The following ADAMTSL1 variants were observed in gnomAD, a reference collection of about 807,000 sequenced individuals.
The protein encoded by ADAMTSL1 is ADAMTS like 1.
A neutral mutation model predicts 201.8 loss-of-function variants in ADAMTSL1; 126 were observed. That is an observed-to-expected ratio of 0.62 (90% CI 0.54 to 0.72). ADAMTSL1 has a LOEUF of 0.72. ADAMTSL1 is among the 30% of genes least tolerant of loss of function. ADAMTSL1 has a pLI of 0.00. For missense variants in ADAMTSL1, 2,679 were observed against 2,277.8 expected (o/e 1.18, Z -3.59); for synonymous variants, 1,121 against 903.4 (o/e 1.24, Z -4.32).
intron 2 of ADAMTSL1, among the ~76,000 whole-genome samples, chr9:18,176,194 T>C (rs1431224249): frequency 1.3e-5 from 2 of 152,058 alleles, no homozygotes; most frequent in African/African-American, 4.8e-5. Context: ...ACTTTACTTA[T>C]CATTTTATAC....
In ADAMTSL1 at chr9:17,944,001, C is replaced by G. The variant is rs560182736; in HGVS notation, c.87+37079C>G. On this transcript the variant is annotated intron_variant, in intron 1 of 29. Coordinates refer to the ADAMTSL1 transcript ENST00000680146. ...AATAATCAGATCTTGTGAGAATTCACTATCACAAAGACAGCACCAAGCCAT... is the reference window on the plus strand; with the variant it reads ...AATAATCAGATCTTGTGAGAATTCAGTATCACAAAGACAGCACCAAGCCAT... Among the ~76,000 whole-genome samples the G allele has an allele frequency of 3.3e-5, 5 of 151,922 alleles. No homozygotes were observed. In the East Asian group the frequency reaches 7.8e-4, roughly 24 times the overall value.
At chr9:18,075,738 A>G (rs1056707107) in intron 1 of ADAMTSL1, among the ~76,000 whole-genome samples, 1 of 152,196 alleles carries the variant, frequency 6.6e-6, no homozygotes, top group Non-Finnish European at 1.5e-5. Context: ...GGGCTGTGTA[A>G]CCCCAGAAGG....
intron 1 of ADAMTSL1, among the ~76,000 whole-genome samples, chr9:18,041,969 TG>T (rs1363128058): frequency 6.6e-6 from 1 of 152,084 alleles, no homozygotes; most frequent in Admixed American, 6.6e-5. Context: ...ATTTTAAAAT[TG>T]GTTACTTTAA....
At chr9:18,626,276 C>T (rs2132701038) in intron 5 of ADAMTSL1, among the ~76,000 whole-genome samples, 1 of 152,222 alleles carries the variant, frequency 6.6e-6, no homozygotes, top group South Asian at 2.1e-4. Flanking sequence ...AGCAGGAGAA[C>T]AGGAAATGGG....
chr9:18,175,766 A>G (rs1439250526), intron 2 of ADAMTSL1, among the ~76,000 whole-genome samples: 2 of 151,980 alleles, frequency 1.3e-5, no homozygotes, highest in African/African-American at 2.4e-5. Context: ...CCAAAGTCCT[A>G]TGGGTCTCAC....
intron 1 of ADAMTSL1, among the ~76,000 whole-genome samples, chr9:18,160,336 C>T (rs1827327794): frequency 1.3e-5 from 2 of 151,988 alleles, no homozygotes; most frequent in Admixed American, 1.3e-4. Flanking sequence ...GTGTTCCTTA[C>T]CCTATTCCTG....
intron 2 of ADAMTSL1, among the ~76,000 whole-genome samples, chr9:18,529,717 A>G (rs993218232): frequency 1.3e-5 from 2 of 152,178 alleles, no homozygotes; most frequent in African/African-American, 4.8e-5. Context: ...ATGTCTTTCA[A>G]TAATGATCAC....
rs928613185 is a variant in ADAMTSL1, at chr9:18,225,966, G to A, written c.207+61985G>A. Reference sequence around the variant, plus strand: ...TGTAATTATTTGCCAAGCCTGGTAGGTGGGTGCTGGTTTCATAGTAAAATT... The same window carrying A: ...TGTAATTATTTGCCAAGCCTGGTAGATGGGTGCTGGTTTCATAGTAAAATT... On this transcript the variant is annotated intron_variant, in intron 2 of 29. Coordinates refer to the ADAMTSL1 transcript ENST00000680146. Among the ~76,000 whole-genome samples the A allele has an allele frequency of 2.6e-5, 4 of 152,128 alleles. No individual in the cohort carries two copies. In the East Asian group the frequency reaches 5.8e-4, roughly 22 times the overall value.
chr9:17,933,558 C>A (rs928112981), intron 1 of ADAMTSL1, among the ~76,000 whole-genome samples: 1 of 152,068 alleles, frequency 6.6e-6, no homozygotes, highest in African/African-American at 2.4e-5. Flanking sequence ...TAAAGAAATG[C>A]CCAAGACTGA....
intron 2 of ADAMTSL1, among the ~76,000 whole-genome samples, chr9:18,185,718 C>A (rs963465308): frequency 1.3e-5 from 2 of 151,942 alleles, no homozygotes; most frequent in Non-Finnish European, 2.9e-5. Flanking sequence ...AAATGAATAG[C>A]TTTATACATC....
At chr9:18,305,089 G>T (rs983716745) in intron 2 of ADAMTSL1, among the ~76,000 whole-genome samples, 1 of 152,120 alleles carries the variant, frequency 6.6e-6, no homozygotes, top group East Asian at 1.9e-4. Flanking sequence ...TTGCCTCACC[G>T]GGAAAGTACA....
At chr9:18,783,575 G>C (rs1034529203) in intron 19 of ADAMTSL1, among the ~76,000 whole-genome samples, 1 of 152,152 alleles carries the variant, frequency 6.6e-6, no homozygotes, top group Non-Finnish European at 1.5e-5. Context: ...GCAAATTACA[G>C]CCAGTGGCTT....
chr9:17,982,617 AAAAT>A (rs150282047), intron 1 of ADAMTSL1, among the ~76,000 whole-genome samples: 2 of 151,944 alleles, frequency 1.3e-5, no homozygotes, highest in Non-Finnish European at 2.9e-5. Flanking sequence ...GTCTCAGGGA[AAAAT>A]AAATAAATAA....
At chr9:18,531,603 A>G (rs999031644) in intron 2 of ADAMTSL1, among the ~76,000 whole-genome samples, 1 of 152,188 alleles carries the variant, frequency 6.6e-6, no homozygotes, top group Non-Finnish European at 1.5e-5. Flanking sequence ...TAGTCTGTGT[A>G]TAATTGTGTT....
chr9:18,794,764 G>T (rs1263386959), intron 19 of ADAMTSL1, among the ~76,000 whole-genome samples: 2 of 151,996 alleles, frequency 1.3e-5, no homozygotes, highest in Non-Finnish European at 2.9e-5. Context: ...CTCCCAAGTA[G>T]CTGGGATTAT....
intron 16 of ADAMTSL1, among the ~76,000 whole-genome samples, chr9:18,762,235 T>A (rs569155946): frequency 3.3e-5 from 5 of 152,082 alleles, no homozygotes; most frequent in Admixed American, 6.5e-5. Flanking sequence ...ACATAAACAA[T>A]GAGCCCTTAT....
chr9:18,285,187 C>T (rs540666477), intron 2 of ADAMTSL1, among the ~76,000 whole-genome samples: 2 of 152,140 alleles, frequency 1.3e-5, no homozygotes, highest in East Asian at 1.9e-4. Flanking sequence ...TAAAAGTGTC[C>T]GTTCCTTTGT....
chr9:18,137,941 G>C (rs11787601), intron 1 of ADAMTSL1, among the ~76,000 whole-genome samples: 21,926 of 152,070 alleles, frequency 0.14, 1,852 homozygotes, highest in East Asian at 0.23. Flanking sequence ...TATTCTTATT[G>C]TTAGGTGAAG....
chr9:18,778,796 G>A (rs1008059907), intron 19 of ADAMTSL1, among the ~76,000 whole-genome samples: 1 of 152,156 alleles, frequency 6.6e-6, no homozygotes, highest in East Asian at 1.9e-4. Flanking sequence ...TTTACTAAAG[G>A]TTGTATTTAT....
Sources: gnomAD v4.1 joint callset for allele counts (sites outside exome capture counted in the v4.1 genomes callset) on GRCh38, gnomAD v4.1.1 for gene constraint, MANE v1.5 for transcripts, NCBI Gene and HGNC (gene_info 2026-07-23, HGNC 2026-07-21) for gene names.